MTMR10: variants seen among roughly 807,000 people sequenced by gnomAD.
MTMR10 encodes myotubularin related protein 10.
MTMR10 carries 56 observed loss-of-function variants against 88.1 expected under a neutral mutation model. The ratio of observed to expected loss-of-function variants is 0.64; its 90% CI spans 0.51 to 0.79. The LOEUF (loss-of-function observed/expected upper bound fraction) is 0.79, where lower values mean the gene tolerates loss of function less well. Among genes scored for constraint, MTMR10 ranks in the 30% least tolerant of loss-of-function variants. The pLI, the probability that MTMR10 is intolerant of heterozygous loss-of-function variation, is 0.00. For missense variants in MTMR10, 883 were observed against 924.7 expected (o/e 0.95, Z 0.58); for synonymous variants, 380 against 340.9 (o/e 1.11, Z -1.26).
chr15:30,939,546 T>C lies in MTMR10; in HGVS notation c.*1924A>G. 1 of 969,670 alleles carries C rather than the reference T, an allele frequency of 1.0e-6. No homozygotes were observed. The allele number at this position is 969,670 out of a possible 1,614,324, so 60.1% of individuals were successfully genotyped here. Reference sequence around the variant, plus strand: ...ACTGTCCAGCAAAAATAAAAGTATTTTACATTTGATTATCATACAAAAATA... The same window carrying C: ...ACTGTCCAGCAAAAATAAAAGTATTCTACATTTGATTATCATACAAAAATA... On this transcript the variant is annotated 3_prime_UTR_variant, in exon 16 of 16. Coordinates refer to ENST00000435680, the MANE Select transcript of MTMR10 (RefSeq NM_017762.3).
Position 30,940,238 on chromosome 15 carries a change from A to G in MTMR10, c.*1232T>C. 1.0e-6 allele frequency: 1 copy of G among 985,320 alleles called. No homozygotes were observed. The highest frequency in any genetic ancestry group is 1.2e-6 in the Non-Finnish European group (1 of 829,926). 61.0% of individuals were successfully genotyped at this position (985,320 alleles called of 1,614,324 possible). A position where few individuals can be genotyped will look rare whatever the true frequency, so the allele number is the denominator to read the frequency against. The stretch of plus-strand genomic sequence containing the variant: ...GTAAGAAGCTTCAGCTTTGACCGCT[A>G]CAGTGGTAGGTAGGCTCTTGTCACA... On this transcript the variant is annotated 3_prime_UTR_variant, in exon 16 of 16. Transcript: ENST00000435680.
chr15:30,991,304 G>A (rs1478647894), intron 1 of MTMR10, 143 bp downstream of exon 1: 6 of 828,352 alleles, frequency 7.2e-6, no homozygotes, highest in African/African-American at 1.8e-5. Flanking sequence ...CGCATTTCGC[G>A]GCGCCGGGAA....
intron 6 of MTMR10, among the ~76,000 whole-genome samples, chr15:30,965,275 A>G (rs1406572855): frequency 3.9e-5 from 6 of 152,358 alleles, no homozygotes; most frequent in Middle Eastern, 3.4e-3. Flanking sequence ...GGAAAATCTA[A>G]TAACAAGATC....
the MTMR10 span, among the ~76,000 whole-genome samples, chr15:30,933,086 T>C: frequency 6.6e-6 from 1 of 152,294 alleles, no homozygotes; most frequent in Non-Finnish European, 1.5e-5. Context: ...ATTCTTGATA[T>C]TGGTAATTTG....
chr15:30,929,347 G>C, the MTMR10 span: 1 of 1,611,954 alleles, frequency 6.2e-7, no homozygotes, highest in South Asian at 1.1e-5. Flanking sequence ...GGAAGGCAGA[G>C]TGGCTTCCCT....
chr15:30,963,679 A>AGACAGACAGATG (rs1566957379), intron 6 of MTMR10, among the ~76,000 whole-genome samples: 1 of 151,188 alleles, frequency 6.6e-6, no homozygotes, highest in Non-Finnish European at 1.5e-5. Context: ...ACAGATAGAT[A>AGACAGACAGATG]GATAGATAGA....
At chr15:30,963,509 G>A (rs1477427982) in intron 6 of MTMR10, among the ~76,000 whole-genome samples, 1 of 151,814 alleles carries the variant, frequency 6.6e-6, no homozygotes, top group Non-Finnish European at 1.5e-5. Flanking sequence ...GTGGCGGCAC[G>A]TGCCTGTAGT....
downstream of MTMR10, among the ~76,000 whole-genome samples, chr15:30,936,850 CCAGCATGG>C (rs553210682): frequency 0.064 from 9,733 of 152,078 alleles, 429 homozygotes; most frequent in Admixed American, 0.13. Context: ...CTGCTGCTGC[CCAGCATGG>C]AGTATCATAC....
At chr15:30,930,198 G>C in the MTMR10 span, among the ~76,000 whole-genome samples, 1 of 151,698 alleles carries the variant, frequency 6.6e-6, no homozygotes, top group Non-Finnish European at 1.5e-5. Flanking sequence ...AGGCAGGGAG[G>C]ATACCTTCTG....
intron 6 of MTMR10, among the ~76,000 whole-genome samples, 167 bp from the exon 7 acceptor site, chr15:30,961,240 CT>C (rs879764694): frequency 4.4e-3 from 647 of 145,542 alleles, no homozygotes; most frequent in Non-Finnish European, 3.8e-3. Flanking sequence ...AAAATAACTC[CT>C]TTTTTTTTTT....
Position 30,941,285 on chromosome 15 carries a change from T to G in MTMR10, c.*185A>C. On this transcript the variant is annotated 3_prime_UTR_variant, in exon 16 of 16. Coordinates refer to ENST00000435680, the MANE Select transcript of MTMR10 (RefSeq NM_017762.3). The stretch of plus-strand genomic sequence containing the variant: ...TGACAGAAAGAGGACAGGAACAAAA[T>G]TTACATCTCTCTTAAAATAAGTGTG... 1 of 1,504,532 alleles carries G rather than the reference T, an allele frequency of 6.6e-7. No individual in the cohort carries two copies. Among genetic ancestry groups the G allele is most frequent in the Non-Finnish European group, 8.9e-7 (1 of 1,127,802 alleles). The allele number at this position is 1,504,532 out of a possible 1,614,324, so 93.2% of individuals were successfully genotyped here. A position where few individuals can be genotyped will look rare whatever the true frequency, so the allele number is the denominator to read the frequency against.
At position 30,966,858 on chromosome 15, in the gene MTMR10, CT is replaced by C. The variant is rs76851097; in HGVS notation, c.565+1061del. 4.8e-3 allele frequency among the ~76,000 whole-genome samples: 627 copies of C among 131,046 alleles called. 1 individual carries two copies. Among genetic ancestry groups the C allele is most frequent in the African/African-American group, 0.012 (414 of 34,924 alleles). The allele number at this position is 131,046 out of a possible 152,430, so 86.0% of individuals were successfully genotyped here. On this transcript the variant is annotated intron_variant, in intron 6 of 15. Coordinates refer to ENST00000435680, the MANE Select transcript of MTMR10 (RefSeq NM_017762.3). Reference sequence around the variant, plus strand: ...TCATATATTATCTCTACTGTATTTTCTTTTTTTTTTTTTTTTGGTCCTCTCA... The same window carrying C: ...TCATATATTATCTCTACTGTATTTTCTTTTTTTTTTTTTTTGGTCCTCTCA...
Position 30,961,020 on chromosome 15 carries a change from C to T in MTMR10, c.619G>A (p.Gly207Ser). The change falls in exon 7 of 16, where the codon GGT becomes AGT. Residue 207 changes from glycine to serine, a missense_variant. Coordinates refer to ENST00000435680, the MANE Select transcript of MTMR10 (RefSeq NM_017762.3). ...CTGCTGCCACCACCAGCTCCATTAC[C>T]TCCTCCTCCTCCTCCTCCTCCATCT... ...SGDGGGGGGG[G>S]NGAGGGSSQK... 1 of 1,383,506 alleles carries T rather than the reference C, an allele frequency of 7.2e-7. No homozygotes were observed. Among genetic ancestry groups the T allele is most frequent in the Non-Finnish European group, 9.7e-7 (1 of 1,032,402 alleles). 85.7% of individuals were successfully genotyped at this position (1,383,506 alleles called of 1,614,324 possible). A position where few individuals can be genotyped will look rare whatever the true frequency, so the allele number is the denominator to read the frequency against.
intron 15 of MTMR10, chr15:30,942,346 A>G (rs2063083336): frequency 4.1e-6 from 2 of 489,240 alleles, no homozygotes; most frequent in Admixed American, 7.4e-5. Context: ...GATAAGTTCT[A>G]AGACGGGCTA....
chr15:30,981,107 T>A (rs2030539784), intron 2 of MTMR10, among the ~76,000 whole-genome samples: 3 of 152,230 alleles, frequency 2.0e-5, no homozygotes, highest in Admixed American at 2.0e-4. Flanking sequence ...GAATGCTAAA[T>A]TCAGAGAGCC....
the MTMR10 span, chr15:30,922,105 C>A: frequency 1.9e-5 from 23 of 1,208,338 alleles, 1 homozygote; most frequent in Non-Finnish European, 2.6e-5. Flanking sequence ...AGTTCGGGGT[C>A]CTTGGCCTCA....
Position 30,939,010 on chromosome 15 carries a change from T to TA in MTMR10, c.*2459dup, listed in dbSNP as rs1330196959. 1.0e-6 allele frequency: 1 copy of TA among 985,210 alleles called. No homozygotes were observed. The highest frequency in any genetic ancestry group is 1.7e-5 in the African/African-American group (1 of 57,244). The allele number at this position is 985,210 out of a possible 1,614,324, so 61.0% of individuals were successfully genotyped here. A position where few individuals can be genotyped will look rare whatever the true frequency, so the allele number is the denominator to read the frequency against. On this transcript the variant is annotated 3_prime_UTR_variant, in exon 16 of 16. Coordinates refer to ENST00000435680, the MANE Select transcript of MTMR10 (RefSeq NM_017762.3). ...CATTCAATACTGTTGAACAACAAGA[T>TA]AACACATCTTCTTGCTCATCCCACT...
In MTMR10 at chr15:30,991,495, G is replaced by A; in HGVS notation, c.12C>T (p.Leu4=). 2 of 1,525,822 alleles carry A rather than the reference G, an allele frequency of 1.3e-6. No individual in the cohort carries two copies. The highest frequency in any genetic ancestry group is 1.3e-5 in the South Asian group (1 of 78,518). 94.5% of individuals were successfully genotyped at this position (1,525,822 alleles called of 1,614,324 possible). MFS[L]KPPKPTFRSY... ...ACCTGAAGGTGGGTTTGGGCGGCTT[G>A]AGGGAGAACATGGTGCCGCCGCCTT... Residue 4 remains leucine (L), a synonymous_variant, in exon 1 of 16, where the codon CTC becomes CTT. Transcript: ENST00000435680.
downstream of MTMR10, among the ~76,000 whole-genome samples, chr15:30,935,560 A>G (rs1342048587): frequency 6.6e-6 from 1 of 152,244 alleles, no homozygotes; most frequent in Non-Finnish European, 1.5e-5. Flanking sequence ...TTTAAAGTAT[A>G]TGAGAAGATG....
Sources: allele counts gnomAD v4.1 joint callset (sites outside exome capture counted in the v4.1 genomes callset), GRCh38; gene constraint gnomAD v4.1.1; transcripts MANE v1.5; gene names NCBI Gene and HGNC (gene_info 2026-07-23, HGNC 2026-07-21).